Variants in HDAC9 observed in about 807,000 individuals in gnomAD.
The protein encoded by HDAC9 is histone deacetylase 9.
HDAC9 carries 41 observed loss-of-function variants against 139.4 expected under a neutral mutation model. The ratio of observed to expected loss-of-function variants is 0.29; its 90% CI spans 0.23 to 0.38. The LOEUF is 0.38. Ranked by LOEUF, HDAC9 falls within the 10% of genes least tolerant of loss-of-function variation. The pLI is 1.00. For missense variants in HDAC9, 1,147 were observed against 1,297.0 expected (o/e 0.88, Z 1.78); for synonymous variants, 517 against 476.2 (o/e 1.09, Z -1.12).
intron 1 of HDAC9, among the ~76,000 whole-genome samples, chr7:18,327,130 A>G (rs1182252472): frequency 6.6e-6 from 1 of 151,738 alleles, no homozygotes; most frequent in East Asian, 1.9e-4. Flanking sequence ...TTGACTTATT[A>G]TTTATTGGAC....
intron 1 of HDAC9, among the ~76,000 whole-genome samples, chr7:18,141,416 C>G (rs1785888334): frequency 6.6e-6 from 1 of 152,106 alleles, no homozygotes; most frequent in South Asian, 2.1e-4. Flanking sequence ...ATAGGCAGGT[C>G]TCTGCTGCCT....
chr7:18,864,630 GA>G (rs950369461), intron 21 of HDAC9, among the ~76,000 whole-genome samples: 5 of 150,408 alleles, frequency 3.3e-5, no homozygotes, highest in African/African-American at 4.9e-5. Flanking sequence ...AAAAAGGAAA[GA>G]AAAAAAACTA....
At chr7:18,261,038 C>T (rs1028494876) in intron 2 of HDAC9, among the ~76,000 whole-genome samples, 6 of 152,034 alleles carry the variant, frequency 3.9e-5, no homozygotes, top group African/African-American at 9.7e-5. Context: ...CTCTGGGGCT[C>T]ATGTTTGTAA....
intron 23 of HDAC9, among the ~76,000 whole-genome samples, chr7:18,951,042 C>G (rs1299774840): frequency 6.6e-6 from 1 of 151,918 alleles, no homozygotes; most frequent in Non-Finnish European, 1.5e-5. Context: ...CATAGCTCAT[C>G]AGTACAGCGT....
At chr7:18,364,223 G>A (rs1784003633) in intron 1 of HDAC9, among the ~76,000 whole-genome samples, 1 of 152,096 alleles carries the variant, frequency 6.6e-6, no homozygotes, top group Non-Finnish European at 1.5e-5. Context: ...ACTGCCTGGG[G>A]CTGAATCCCT....
intron 12 of HDAC9, among the ~76,000 whole-genome samples, chr7:18,700,812 C>G (rs1235641472): frequency 1.3e-5 from 2 of 152,130 alleles, no homozygotes; most frequent in Non-Finnish European, 2.9e-5. Context: ...CACAAGTGCT[C>G]CCAGTAGCCA....
In HDAC9 at chr7:18,459,172, C is replaced by G. The variant is rs74878555; in HGVS notation, c.-41-37090C>G. Among the ~76,000 whole-genome samples the G allele has an allele frequency of 9.6e-3, 1,465 of 152,178 alleles. 15 individuals carry two copies. Among genetic ancestry groups the G allele is most frequent in the Middle Eastern group, 0.031 (9 of 292 alleles). On this transcript the variant is annotated intron_variant, in intron 1 of 3. Transcript: ENST00000413509. ...TGGGGTCTTTTTACCCCTCTCTACT[C>G]GTGTTATAATTTTTTATCTTAGGCC...
At chr7:18,901,933 C>T (rs1801765132) in intron 22 of HDAC9, among the ~76,000 whole-genome samples, 1 of 152,122 alleles carries the variant, frequency 6.6e-6, no homozygotes, top group African/African-American at 2.4e-5. Flanking sequence ...TTTTGTCTGG[C>T]CTTACCTACT....
intron 13 of HDAC9, among the ~76,000 whole-genome samples, chr7:18,736,085 C>G (rs1031809735): frequency 1.2e-4 from 19 of 152,104 alleles, no homozygotes; most frequent in African/African-American, 4.6e-4. Context: ...CATTGATTTT[C>G]TATCCTGAGA....
At chr7:18,359,852 G>T (rs1231626460) in intron 1 of HDAC9, among the ~76,000 whole-genome samples, 2 of 152,082 alleles carry the variant, frequency 1.3e-5, no homozygotes, top group Admixed American at 1.3e-4. Flanking sequence ...CAGGTGATCC[G>T]CCCACCTCGG....
upstream of HDAC9, chr7:18,495,655 T>C (rs936630720): frequency 3.7e-5 from 29 of 782,982 alleles, no homozygotes; most frequent in Non-Finnish European, 4.2e-5. Context: ...ATTGTTCTAT[T>C]TCTGTGCCTG....
At chr7:18,501,606 A>G (rs2128156896) in intron 2 of HDAC9, among the ~76,000 whole-genome samples, 1 of 152,202 alleles carries the variant, frequency 6.6e-6, no homozygotes, top group East Asian at 1.9e-4. Flanking sequence ...AACATCAGTG[A>G]TATGTTCTTA....
chr7:18,874,216 G>T (rs1437010352), intron 21 of HDAC9, among the ~76,000 whole-genome samples: 1 of 148,692 alleles, frequency 6.7e-6, no homozygotes, highest in East Asian at 2.0e-4. Context: ...ATGGGCTTTA[G>T]AATGTACCTG....
At chr7:18,800,278 G>C (rs1033961116) in intron 17 of HDAC9, among the ~76,000 whole-genome samples, 36 of 152,020 alleles carry the variant, frequency 2.4e-4, no homozygotes, top group African/African-American at 8.7e-4. Flanking sequence ...CTTTATAAGA[G>C]GTCTTGACTA....
At chr7:18,673,673 A>G (rs1795792042) in intron 12 of HDAC9, among the ~76,000 whole-genome samples, 1 of 151,994 alleles carries the variant, frequency 6.6e-6, no homozygotes, top group Admixed American at 6.6e-5. Context: ...TCTGCTTTAG[A>G]TCGTCTTCAT....
chr7:18,904,826 C>T (rs916975986), intron 22 of HDAC9, among the ~76,000 whole-genome samples: 5 of 151,866 alleles, frequency 3.3e-5, no homozygotes, highest in East Asian at 1.9e-4. Flanking sequence ...CCGCCCGCCT[C>T]GGCCTCCCAA....
At position 18,997,606 on chromosome 7, in the gene HDAC9, G is replaced by A. The variant is rs1307658505; in HGVS notation, c.*1544G>A. 6.6e-6 allele frequency: 1 copy of A among 152,034 alleles called. No individual in the cohort carries two copies. The highest frequency in any genetic ancestry group is 2.4e-5 in the African/African-American group (1 of 41,414). 9.4% of individuals were successfully genotyped at this position (152,034 alleles called of 1,614,324 possible). On this transcript the variant is annotated 3_prime_UTR_variant, in exon 26 of 26. Transcript: ENST00000686413. ...GTGAAGATTGTCATGCTTTTATTCA[G>A]AAATCTGAAAGAAACCTTAATTAAA...
rs140929203 is a variant in HDAC9, at chr7:18,774,499, A to C, written c.2214+7344A>C. On this transcript the variant is annotated intron_variant, in intron 16 of 25. Coordinates refer to ENST00000686413, the MANE Select transcript of HDAC9 (RefSeq NM_178425.4). The stretch of plus-strand genomic sequence containing the variant: ...ATGTTTTGTTTCTCAGTGTATACTA[A>C]ACTTATGTTTATACTGTCCTGTAGT... Among the ~76,000 whole-genome samples the C allele has an allele frequency of 5.3e-5, 8 of 152,186 alleles. No individual in the cohort carries two copies. In the East Asian group the frequency reaches 1.5e-3, roughly 29 times the overall value.
chr7:18,520,115 A>G (rs918505102), intron 2 of HDAC9, among the ~76,000 whole-genome samples: 4 of 152,116 alleles, frequency 2.6e-5, no homozygotes, highest in African/African-American at 9.7e-5. Flanking sequence ...TCACAGTTCA[A>G]TAAAGTGTTT....
Sources: gnomAD v4.1 joint callset for allele counts (sites outside exome capture counted in the v4.1 genomes callset) on GRCh38, gnomAD v4.1.1 for gene constraint, MANE v1.5 for transcripts, NCBI Gene and HGNC (gene_info 2026-07-23, HGNC 2026-07-21) for gene names.